Variants in FSTL5 observed in about 807,000 individuals in gnomAD.
The protein encoded by FSTL5 is follistatin-related protein 5.
A neutral mutation model predicts 89.1 loss-of-function variants in FSTL5; 62 were observed. The observed-to-expected ratio is 0.70, with a 90% CI of 0.57 to 0.86. The LOEUF (loss-of-function observed/expected upper bound fraction) is 0.86, where lower values mean the gene tolerates loss of function less well. Among genes scored for constraint, FSTL5 ranks in the 40% least tolerant of loss-of-function variants. The pLI is 0.00. For missense variants in FSTL5, 1,057 were observed against 1,001.6 expected (o/e 1.06, Z -0.75); for synonymous variants, 383 against 346.2 (o/e 1.11, Z -1.18).
intron 6 of FSTL5, among the ~76,000 whole-genome samples, chr4:161,740,245 C>T (rs1185337127): frequency 2.0e-5 from 3 of 151,978 alleles, no homozygotes; most frequent in Non-Finnish European, 4.4e-5. Context: ...GTCTTGAACT[C>T]CTGACCTCAA....
chr4:161,575,242 G>C (rs550528957), intron 8 of FSTL5, among the ~76,000 whole-genome samples: 2 of 151,510 alleles, frequency 1.3e-5, no homozygotes, highest in Non-Finnish European at 2.9e-5. Flanking sequence ...TTCCGGATAT[G>C]AGACCTTTGT....
chr4:161,772,586 T>C (rs7672358), intron 5 of FSTL5, among the ~76,000 whole-genome samples: 31,842 of 151,996 alleles, frequency 0.21, 6,134 homozygotes, highest in African/African-American at 0.51. Flanking sequence ...AAGAACTCAA[T>C]GCCTTTTACA....
chr4:161,798,076 T>G (rs1200795166), intron 4 of FSTL5, among the ~76,000 whole-genome samples: 1 of 151,680 alleles, frequency 6.6e-6, no homozygotes, highest in Non-Finnish European at 1.5e-5. Flanking sequence ...AATACTAAAA[T>G]GACTTAATGG....
intron 4 of FSTL5, among the ~76,000 whole-genome samples, chr4:161,823,053 G>T (rs902586778): frequency 6.6e-6 from 1 of 152,164 alleles, no homozygotes; most frequent in African/African-American, 2.4e-5. Flanking sequence ...TGACATCTGA[G>T]TCTGGGGTTT....
chr4:161,973,009 G>A (rs1560945359), intron 3 of FSTL5, among the ~76,000 whole-genome samples: 1 of 152,076 alleles, frequency 6.6e-6, no homozygotes, highest in African/African-American at 2.4e-5. Context: ...TTGATTCTTA[G>A]GAATTGGTAT....
intron 10 of FSTL5, 112 bp downstream of exon 10, chr4:161,538,054 T>C: frequency 1.1e-6 from 1 of 901,778 alleles, no homozygotes. Context: ...ATCTATTTGT[T>C]ATAATGCATT....
chr4:161,811,083 CATAA>C (rs1730123229), intron 4 of FSTL5, among the ~76,000 whole-genome samples: 1 of 151,958 alleles, frequency 6.6e-6, no homozygotes, highest in Non-Finnish European at 1.5e-5. Context: ...AAATAGTGAA[CATAA>C]ATAAATACAA....
At position 161,590,446 on chromosome 4, in the gene FSTL5, C is replaced by T. The variant is rs149989280; in HGVS notation, c.895-2871G>A. Among the ~76,000 whole-genome samples the T allele has an allele frequency of 5.7e-4, 87 of 152,082 alleles. 2 individuals are homozygous for T. In the East Asian group the frequency reaches 0.016, roughly 28 times the overall value. On this transcript the variant is annotated intron_variant, in intron 7 of 15. Transcript: ENST00000306100. ...CCCAGCTACTCAGCAGGCTGAGGCACGAGAATTGCTTGAACCCGAGAGGTG... is the reference window on the plus strand; with the variant it reads ...CCCAGCTACTCAGCAGGCTGAGGCATGAGAATTGCTTGAACCCGAGAGGTG...
At chr4:161,463,372 G>T (rs1269064950) in intron 13 of FSTL5, among the ~76,000 whole-genome samples, 2 of 151,992 alleles carry the variant, frequency 1.3e-5, no homozygotes, top group African/African-American at 4.8e-5. Context: ...TGGAAAAATT[G>T]TAATTTTCAA....
rs74623181 is a variant in FSTL5, at chr4:161,435,090, A to G, written c.1841+19914T>C. Among the ~76,000 whole-genome samples the G allele has an allele frequency of 4.8e-3, 725 of 152,182 alleles. 6 individuals are homozygous for G. The highest frequency in any genetic ancestry group is 0.016 in the African/African-American group (656 of 41,532). On this transcript the variant is annotated intron_variant, in intron 15 of 15. Coordinates refer to ENST00000306100, the MANE Select transcript of FSTL5 (RefSeq NM_020116.5). ...TTGCTAGGCATATAACCCCCCAAAA[A>G]GGAAATCAGTATTTTGAAGAGATAC...
chr4:162,076,426 A>T (rs902851), intron 2 of FSTL5, among the ~76,000 whole-genome samples: 144,144 of 151,944 alleles, frequency 0.95, 68,457 homozygotes, highest in Non-Finnish European at 0.98. Context: ...TTTTCAGTAT[A>T]AAAAATATAA....
intron 3 of FSTL5, among the ~76,000 whole-genome samples, chr4:161,968,002 T>C (rs1368238537): frequency 6.6e-6 from 1 of 152,034 alleles, no homozygotes; most frequent in East Asian, 1.9e-4. Context: ...AAATAAATAC[T>C]TGTGTATTTT....
chr4:162,048,196 A>C (rs906319397), intron 2 of FSTL5, among the ~76,000 whole-genome samples: 1 of 151,820 alleles, frequency 6.6e-6, no homozygotes, highest in Non-Finnish European at 1.5e-5. Flanking sequence ...GTGTGGTGGC[A>C]CGTGCTTGTA....
intron 3 of FSTL5, among the ~76,000 whole-genome samples, chr4:161,924,139 A>G (rs1409275447): frequency 6.6e-6 from 1 of 151,698 alleles, no homozygotes; most frequent in Non-Finnish European, 1.5e-5. Context: ...GGTAGCTTAT[A>G]GTTTTATCAA....
At position 161,690,702 on chromosome 4, in the gene FSTL5, T is replaced by A. The variant is rs1026640883; in HGVS notation, c.728-34208A>T. 3.3e-5 allele frequency among the ~76,000 whole-genome samples: 5 copies of A among 152,264 alleles called. No homozygotes were observed. The East Asian group carries it at 9.6e-4, about 29-fold the overall frequency. On this transcript the variant is annotated intron_variant, in intron 6 of 15. Coordinates refer to ENST00000306100, the MANE Select transcript of FSTL5 (RefSeq NM_020116.5). The stretch of plus-strand genomic sequence containing the variant: ...GGGGTACAAGTGCAGGTTTGTTACA[T>A]AAGTAAAGTTGTGTCATGGGGGTTT...
At chr4:161,818,763 A>C (rs1730405876) in intron 4 of FSTL5, among the ~76,000 whole-genome samples, 1 of 152,134 alleles carries the variant, frequency 6.6e-6, no homozygotes, top group African/African-American at 2.4e-5. Context: ...CTACTGGGAA[A>C]CTTCCATACT....
chr4:161,800,720 T>G (rs1208100407), intron 4 of FSTL5, among the ~76,000 whole-genome samples: 1 of 151,554 alleles, frequency 6.6e-6, no homozygotes, highest in Non-Finnish European at 1.5e-5. Flanking sequence ...GATGTTTTAA[T>G]TCAGAAAGTA....
At chr4:161,415,769 TA>T (rs1188238441) in intron 15 of FSTL5, among the ~76,000 whole-genome samples, 1 of 146,368 alleles carries the variant, frequency 6.8e-6, no homozygotes. Context: ...ATCATACATA[TA>T]GGGGATATAT....
chr4:162,066,305 C>CTTCTTCTTCTTCTTCTTCT (rs1738896539), intron 2 of FSTL5, among the ~76,000 whole-genome samples: 1 of 39,056 alleles, frequency 2.6e-5, no homozygotes, highest in Admixed American at 3.3e-4. Context: ...TACTTTTCTT[C>CTTCTTCTTCTTCTTCTTCT]TTCTTCTTCT....
Sources: gnomAD v4.1 joint callset for allele counts (sites outside exome capture counted in the v4.1 genomes callset) on GRCh38, gnomAD v4.1.1 for gene constraint, MANE v1.5 for transcripts, NCBI Gene and HGNC (gene_info 2026-07-23, HGNC 2026-07-21) for gene names.